The following STRA8 variants were observed in gnomAD, a reference collection of about 807,000 sequenced individuals.
STRA8 encodes stimulated by retinoic acid 8.
Under a neutral mutation model 37.1 loss-of-function variants are expected in STRA8, and 18 were observed. The observed-to-expected ratio is 0.48, with a 90% CI of 0.34 to 0.72. The LOEUF (loss-of-function observed/expected upper bound fraction) is 0.72, where lower values mean the gene tolerates loss of function less well. Ranked by LOEUF, STRA8 falls within the 30% of genes least tolerant of loss-of-function variation. The probability of loss-of-function intolerance (pLI) is 0.01; values close to 1 mark genes in which losing one functional copy is unlikely to be tolerated. For synonymous variants in STRA8, 168 were observed against 162.9 expected, an observed-to-expected ratio of 1.03 and a Z score of -0.24; for missense variants, 357 against 410.4, an observed-to-expected ratio of 0.87 and a Z score of 1.13.
intron 8 of STRA8, among the ~76,000 whole-genome samples, chr7:135,258,183 T>C (rs1832727953): frequency 1.3e-5 from 2 of 152,198 alleles, no homozygotes; most frequent in Non-Finnish European, 2.9e-5. Context: ...AAGAAGCCAG[T>C]TCTGCTGTGT....
intron 4 of STRA8, 67 bp downstream of exon 4, chr7:135,243,477 G>A: frequency 6.9e-7 from 1 of 1,453,634 alleles, no homozygotes; most frequent in Admixed American, 1.8e-5. Flanking sequence ...GTACTGTCTG[G>A]TGGCAACTCA....
chr7:135,251,705 A>G lies in STRA8; in HGVS notation c.880-91A>G. The G allele has an allele frequency of 4.0e-6, 5 of 1,260,658 alleles. No homozygotes were observed. In the East Asian group the frequency reaches 7.0e-5, roughly 18 times the overall value. The allele number at this position is 1,260,658 out of a possible 1,614,324, so 78.1% of individuals were successfully genotyped here. Reference sequence around the variant, plus strand: ...CCCTCTGGGGTATGTGTAAAGAGAGAGCCTTTCCACTCATCTCTCCCCAGC... The same window carrying G: ...CCCTCTGGGGTATGTGTAAAGAGAGGGCCTTTCCACTCATCTCTCCCCAGC... On this transcript the variant is annotated intron_variant, in intron 6 of 8. Transcript: ENST00000662584.
intron 3 of STRA8, among the ~76,000 whole-genome samples, chr7:135,243,059 C>T (rs1263484905): frequency 6.6e-6 from 1 of 152,184 alleles, no homozygotes; most frequent in Non-Finnish European, 1.5e-5. Context: ...CCAGAGTCAC[C>T]AGGCCATGAG....
At chr7:135,244,391 G>C (rs1306920983) in intron 4 of STRA8, among the ~76,000 whole-genome samples, 1 of 152,100 alleles carries the variant, frequency 6.6e-6, no homozygotes, top group African/African-American at 2.4e-5. Context: ...TGTTACCTTG[G>C]GGATTATTCC....
chr7:135,236,731 C>T (rs1404936148), intron 1 of STRA8, among the ~76,000 whole-genome samples: 1 of 152,190 alleles, frequency 6.6e-6, no homozygotes, highest in Non-Finnish European at 1.5e-5. Context: ...GTTATTTCCC[C>T]TCCACCCACC....
chr7:135,247,819 C>A (rs569736212), intron 6 of STRA8, among the ~76,000 whole-genome samples: 3 of 152,362 alleles, frequency 2.0e-5, no homozygotes, highest in Admixed American at 6.5e-5. Context: ...CATTTGAGGT[C>A]GCCCTGCACG....
chr7:135,241,259 G>A (rs536445223), intron 2 of STRA8, among the ~76,000 whole-genome samples: 1 of 152,284 alleles, frequency 6.6e-6, no homozygotes, highest in Non-Finnish European at 1.5e-5. Context: ...TGAGCTCTGG[G>A]ACTGGGGAGA....
intron 1 of STRA8, among the ~76,000 whole-genome samples, chr7:135,237,031 C>T (rs2117785157): frequency 6.6e-6 from 1 of 152,162 alleles, no homozygotes; most frequent in African/African-American, 2.4e-5. Flanking sequence ...TGGCCTGGGA[C>T]TGGGAAGCTC....
In STRA8 at chr7:135,246,987, G is replaced by GGCGCCCGCCACC. The variant is rs1336400084; in HGVS notation, c.879+286_879+297dup. On this transcript the variant is annotated intron_variant, in intron 6 of 8. Coordinates refer to ENST00000662584, the MANE Select transcript of STRA8 (RefSeq NM_001394401.1). The surrounding 1 kb of genome is among the most constrained non-coding windows in gnomAD (Gnocchi z 5.4). ...AGCCTCCCGAATAGCTGGGACTACA[G>GGCGCCCGCCACC]GCGCCCGCCACCACGCCCGGCTAAT... 2.8e-6 allele frequency: 1 copy of GGCGCCCGCCACC among 356,268 alleles called. No individual in the cohort carries two copies. Among genetic ancestry groups the GGCGCCCGCCACC allele is most frequent in the African/African-American group, 2.2e-5 (1 of 46,026 alleles). The allele number at this position is 356,268 out of a possible 1,614,324, so 22.1% of individuals were successfully genotyped here.
Position 135,246,970 on chromosome 7 carries a change from G to A in STRA8, c.879+268G>A, listed in dbSNP as rs937565054. On this transcript the variant is annotated intron_variant, in intron 6 of 8. Transcript: ENST00000662584. The surrounding 1 kb of genome is among the most constrained non-coding windows in gnomAD (Gnocchi z 5.4). ...CCTCATTCTCCTGCCTCAGCCTCCC[G>A]AATAGCTGGGACTACAGGCGCCCGC... Among the ~76,000 whole-genome samples, 8 of 151,634 alleles carry A rather than the reference G, an allele frequency of 5.3e-5. No individual in the cohort carries two copies. The highest frequency in any genetic ancestry group is 1.2e-4 in the African/African-American group (5 of 41,240).
At chr7:135,235,439 A>G (rs1011172023) in intron 1 of STRA8, among the ~76,000 whole-genome samples, 3 of 138,218 alleles carry the variant, frequency 2.2e-5, no homozygotes, top group African/African-American at 7.9e-5. Context: ...AATCATGAGC[A>G]TGACTTTTTT....
At chr7:135,257,176 A>C (rs1832714786) in intron 8 of STRA8, among the ~76,000 whole-genome samples, 1 of 152,198 alleles carries the variant, frequency 6.6e-6, no homozygotes, top group South Asian at 2.1e-4. Context: ...CACTATGAGG[A>C]TATCACCCTT....
chr7:135,256,862 C>T (rs758988471), intron 8 of STRA8, among the ~76,000 whole-genome samples: 1 of 152,196 alleles, frequency 6.6e-6, no homozygotes, highest in Non-Finnish European at 1.5e-5. Flanking sequence ...CCTAGATTCC[C>T]GATGCCTCAG....
At position 135,246,146 on chromosome 7, in the gene STRA8, T is replaced by C; in HGVS notation, c.594-271T>C. 1 of 523,344 alleles carries C rather than the reference T, an allele frequency of 1.9e-6. No individual in the cohort carries two copies. The highest frequency in any genetic ancestry group is 3.4e-6 in the Non-Finnish European group (1 of 292,832). The allele number at this position is 523,344 out of a possible 1,614,324, so 32.4% of individuals were successfully genotyped here. On this transcript the variant is annotated intron_variant, in intron 5 of 8. Coordinates refer to ENST00000662584, the MANE Select transcript of STRA8 (RefSeq NM_001394401.1). The surrounding 1 kb of genome is among the most constrained non-coding windows in gnomAD (Gnocchi z 5.4). ...AGAGCTGAGGCAGCTACGCCTCTTATCTGCTTCTGTCTAACACAGAAGGCT... is the reference window on the plus strand; with the variant it reads ...AGAGCTGAGGCAGCTACGCCTCTTACCTGCTTCTGTCTAACACAGAAGGCT...
At chr7:135,255,693 G>A (rs1384265737) in intron 8 of STRA8, among the ~76,000 whole-genome samples, 1 of 152,218 alleles carries the variant, frequency 6.6e-6, no homozygotes, top group Non-Finnish European at 1.5e-5. Flanking sequence ...ATCTGAGGTG[G>A]AAGAGTTTCA....
upstream of STRA8, among the ~76,000 whole-genome samples, chr7:135,232,973 C>T (rs1020524223): frequency 1.3e-5 from 2 of 152,180 alleles, no homozygotes; most frequent in Non-Finnish European, 2.9e-5. Flanking sequence ...GGCCCTGAGC[C>T]GGGCACTTCA....
At chr7:135,240,815 C>A in intron 2 of STRA8, 99 bp downstream of exon 2, 7 of 1,329,708 alleles carry the variant, frequency 5.3e-6, no homozygotes, top group South Asian at 2.8e-5. Context: ...TGGCCTGGAG[C>A]TGCCACTTCT....
At chr7:135,256,955 A>G (rs1271303481) in intron 8 of STRA8, among the ~76,000 whole-genome samples, 1 of 152,224 alleles carries the variant, frequency 6.6e-6, no homozygotes. Flanking sequence ...AGGCTTTGAT[A>G]GACTCTGGTG....
intron 4 of STRA8, among the ~76,000 whole-genome samples, chr7:135,244,082 G>A (rs1012649360): frequency 3.2e-4 from 49 of 152,090 alleles, no homozygotes; most frequent in African/African-American, 1.2e-3. Context: ...TTTTTGAGAC[G>A]GAGTCTCACT....
Sources: gnomAD v4.1 joint callset for allele counts (sites outside exome capture counted in the v4.1 genomes callset) on GRCh38, gnomAD v4.1.1 for gene constraint, Gnocchi (gnomAD v3.1) non-coding constraint, MANE v1.5 for transcripts, NCBI Gene and HGNC (gene_info 2026-07-23, HGNC 2026-07-21) for gene names.